LRP6: variants seen among roughly 807,000 people sequenced by gnomAD.
LRP6 encodes low-density lipoprotein receptor-related protein 6.
Under a neutral mutation model 184.1 loss-of-function variants are expected in LRP6, and 43 were observed. That is an observed-to-expected ratio of 0.23 (90% confidence interval 0.18 to 0.30). LRP6 has a LOEUF of 0.30. Among genes scored for constraint, LRP6 ranks in the 10% least tolerant of loss-of-function variants. LRP6 has a pLI of 1.00. For synonymous variants in LRP6, 719 were observed against 684.9 expected (o/e 1.05, Z -0.78); for missense variants, 1,571 against 2,005.3 (o/e 0.78, Z 4.14).
At chr12:12,227,400 T>C (rs57125171) in intron 2 of LRP6, among the ~76,000 whole-genome samples, 3,015 of 151,566 alleles carry the variant, frequency 0.02, 98 homozygotes, top group African/African-American at 0.064. Flanking sequence ...AAATAAAAAC[T>C]TTCTTTTCCT....
At chr12:12,173,675 C>G (rs763497127) in intron 7 of LRP6, among the ~76,000 whole-genome samples, 17 of 151,952 alleles carry the variant, frequency 1.1e-4, no homozygotes, top group Non-Finnish European at 1.8e-4. Flanking sequence ...GGGGATCTCA[C>G]TATATTACCC....
chr12:12,199,209 C>T (rs558827691), intron 3 of LRP6, among the ~76,000 whole-genome samples: 1 of 151,680 alleles, frequency 6.6e-6, no homozygotes, highest in Non-Finnish European at 1.5e-5. Flanking sequence ...CTAGGAATCA[C>T]AGCATTTTGT....
At chr12:12,227,230 A>G (rs1384626611) in intron 2 of LRP6, among the ~76,000 whole-genome samples, 2 of 152,158 alleles carry the variant, frequency 1.3e-5, no homozygotes, top group Non-Finnish European at 2.9e-5. Flanking sequence ...AGAACTAAAG[A>G]CTTTCTCAAG....
intron 3 of LRP6, among the ~76,000 whole-genome samples, chr12:12,190,600 C>T (rs186416253): frequency 1.3e-5 from 2 of 152,322 alleles, no homozygotes; most frequent in Admixed American, 6.5e-5. Context: ...AAACTCTGCA[C>T]CAACTGGACT....
chr12:12,130,911 AT>A lies in LRP6; in HGVS notation c.3971-19del, dbSNP rs1277170924. 7.4e-7 allele frequency: 1 copy of A among 1,355,318 alleles called. No individual in the cohort carries two copies. The highest frequency in any genetic ancestry group is 2.3e-5 in the East Asian group (1 of 43,632). 84.0% of individuals were successfully genotyped at this position (1,355,318 alleles called of 1,614,324 possible). A position where few individuals can be genotyped will look rare whatever the true frequency, so the allele number is the denominator to read the frequency against. ...ACAAAGCACTGGAAAAAAAACATAA[AT>A]AGTTTCCTTATTTTTAATATCATGT... On this transcript the variant is annotated intron_variant, in intron 18 of 22. Coordinates refer to ENST00000261349, the MANE Select transcript of LRP6 (RefSeq NM_002336.3).
At position 12,119,389 on chromosome 12, in the gene LRP6, C is replaced by A. The variant is rs1185781228; in HGVS notation, c.*1737G>T. 1 of 152,076 alleles carries A rather than the reference C, an allele frequency of 6.6e-6. No individual in the cohort carries two copies. The highest frequency in any genetic ancestry group is 1.5e-5 in the Non-Finnish European group (1 of 68,016). 9.4% of individuals were successfully genotyped at this position (152,076 alleles called of 1,614,324 possible). Reference sequence around the variant, plus strand: ...AAATTCAATAATTAACTGACCAACACCTCTTAAGCTAAAAATACATTAGTT... The same window carrying A: ...AAATTCAATAATTAACTGACCAACAACTCTTAAGCTAAAAATACATTAGTT... On this transcript the variant is annotated 3_prime_UTR_variant, in exon 23 of 23. Coordinates refer to ENST00000261349, the MANE Select transcript of LRP6 (RefSeq NM_002336.3).
intron 17 of LRP6, among the ~76,000 whole-genome samples, chr12:12,133,845 TGGGGGG>T (rs139201743): frequency 7.3e-4 from 29 of 39,958 alleles, no homozygotes; most frequent in African/African-American, 1.3e-3. Flanking sequence ...TGCTATTTTT[TGGGGGG>T]GGGGGGGGGG....
Position 12,237,084 on chromosome 12 carries a change from T to C in LRP6, c.449+7178A>G, listed in dbSNP as rs57914247. On this transcript the variant is annotated intron_variant, in intron 2 of 22. Coordinates refer to ENST00000261349, the MANE Select transcript of LRP6 (RefSeq NM_002336.3). Reference sequence around the variant, plus strand: ...CAGAAGCCTATCAAGAGTTGCCTCATTAGAACAAAAGATGTTCCTATCACC... The same window carrying C: ...CAGAAGCCTATCAAGAGTTGCCTCACTAGAACAAAAGATGTTCCTATCACC... 1.4e-4 allele frequency among the ~76,000 whole-genome samples: 21 copies of C among 152,256 alleles called. No individual in the cohort carries two copies. In the South Asian group the frequency reaches 4.4e-3, roughly 32 times the overall value.
At chr12:12,180,404 C>T (rs535274507) in intron 6 of LRP6, among the ~76,000 whole-genome samples, 1 of 152,154 alleles carries the variant, frequency 6.6e-6, no homozygotes, top group East Asian at 1.9e-4. Flanking sequence ...TCCTGCAGTG[C>T]TAAGTGATTC....
chr12:12,200,479 A>G (rs1863886786), intron 3 of LRP6, among the ~76,000 whole-genome samples: 1 of 152,114 alleles, frequency 6.6e-6, no homozygotes, highest in South Asian at 2.1e-4. Context: ...TACTGCCACC[A>G]TCTCCATTTC....
In LRP6 at chr12:12,124,656, T is replaced by C; in HGVS notation, c.4456A>G (p.Asn1486Asp). 6.2e-7 allele frequency: 1 copy of C among 1,604,366 alleles called. No homozygotes were observed. The highest frequency in any genetic ancestry group is 8.5e-7 in the Non-Finnish European group (1 of 1,172,682). ...TCTGTGGCTGGGGATGGTGGAGGGTTCAAAATCTAAAAGAAAAAAATAATT... is the reference window on the plus strand; with the variant it reads ...TCTGTGGCTGGGGATGGTGGAGGGTCCAAAATCTAAAAGAAAAAAATAATT... ...TKGTYFPAIL[N>D]PPPSPATERS... is the part of the protein sequence containing the mutation. Residue 1486 changes from asparagine (N) to aspartate (D), a missense_variant, in exon 22 of 23, where the codon AAC (asparagine) becomes GAC (aspartate). Coordinates refer to ENST00000261349, the MANE Select transcript of LRP6 (RefSeq NM_002336.3).
In LRP6 at chr12:12,254,074, G is replaced by A. The variant is rs370253865; in HGVS notation, c.56-9419C>T. Among the ~76,000 whole-genome samples, 5 of 138,196 alleles carry A rather than the reference G, an allele frequency of 3.6e-5. No homozygotes were observed. The East Asian group carries it at 6.9e-4, about 19-fold the overall frequency. 90.7% of individuals were successfully genotyped at this position (138,196 alleles called of 152,430 possible). ...TGGGAGGATCACTTGAGCCCAGGAGGTCAAGGCTGCAGTGAGCCAAGATTG... is the reference window on the plus strand; with the variant it reads ...TGGGAGGATCACTTGAGCCCAGGAGATCAAGGCTGCAGTGAGCCAAGATTG... On this transcript the variant is annotated intron_variant, in intron 1 of 22. Coordinates refer to ENST00000261349, the MANE Select transcript of LRP6 (RefSeq NM_002336.3).
intron 9 of LRP6, among the ~76,000 whole-genome samples, chr12:12,163,536 T>C (rs1862793327): frequency 6.6e-6 from 1 of 152,230 alleles, no homozygotes; most frequent in Non-Finnish European, 1.5e-5. Context: ...GGTATTCTTT[T>C]CAGTAACTAT....
intron 1 of LRP6, chr12:12,248,983 A>C: frequency 1.8e-6 from 1 of 545,272 alleles, no homozygotes; most frequent in Non-Finnish European, 3.3e-6. Context: ...AGCAACAGCA[A>C]CACAAGGTGG....
At chr12:12,168,044 A>G (rs1414476972) in intron 7 of LRP6, among the ~76,000 whole-genome samples, 1 of 152,216 alleles carries the variant, frequency 6.6e-6, no homozygotes, top group Non-Finnish European at 1.5e-5. Context: ...TAACTAAAAC[A>G]GTAAACAAAA....
intron 19 of LRP6, among the ~76,000 whole-genome samples, chr12:12,130,579 G>A (rs1949737376): frequency 6.6e-6 from 1 of 152,146 alleles, no homozygotes; most frequent in African/African-American, 2.4e-5. Flanking sequence ...AAATGTTTCT[G>A]TGAAGATTTC....
intron 3 of LRP6, among the ~76,000 whole-genome samples, chr12:12,188,795 A>C (rs1357071339): frequency 6.6e-6 from 1 of 152,206 alleles, no homozygotes; most frequent in Non-Finnish European, 1.5e-5. Flanking sequence ...TATTAAATTT[A>C]CTAAAGAGAC....
At chr12:12,213,401 G>T in intron 2 of LRP6, among the ~76,000 whole-genome samples, 1 of 151,752 alleles carries the variant, frequency 6.6e-6, no homozygotes. Context: ...AGCTATTGGG[G>T]ATTAAACATT....
At chr12:12,167,519 T>G (rs1204905957) in intron 7 of LRP6, among the ~76,000 whole-genome samples, 1 of 152,042 alleles carries the variant, frequency 6.6e-6, no homozygotes, top group Admixed American at 6.5e-5. Flanking sequence ...GGCGCACACC[T>G]GTAGTCCCAG....
Sources: allele counts gnomAD v4.1 joint callset (sites outside exome capture counted in the v4.1 genomes callset), GRCh38; gene constraint gnomAD v4.1.1; transcripts MANE v1.5; gene names NCBI Gene and HGNC (gene_info 2026-07-23, HGNC 2026-07-21).